The following PDE11A variants were observed in gnomAD, a reference collection of about 807,000 sequenced individuals.
The protein encoded by PDE11A is phosphodiesterase 11A.
Under a neutral mutation model 100.5 loss-of-function variants are expected in PDE11A, and 100 were observed. That is an observed-to-expected ratio of 1.00 (90% CI 0.85 to 1.18). The LOEUF (loss-of-function observed/expected upper bound fraction) is 1.18. Among genes scored for constraint, PDE11A ranks in the 50% most tolerant of loss-of-function variants. PDE11A has a pLI of 0.00. For synonymous variants in PDE11A, 381 were observed against 420.8 expected (o/e 0.91, Z 1.16); for missense variants, 1,141 against 1,152.6 (o/e 0.99, Z 0.15).
chr2:177,838,359 T>A (rs1342874829), intron 6 of PDE11A, among the ~76,000 whole-genome samples: 1 of 147,760 alleles, frequency 6.8e-6, no homozygotes, highest in Non-Finnish European at 1.5e-5. Flanking sequence ...CATATATGTG[T>A]TATGTGTGTT....
In PDE11A at chr2:177,972,727, T is replaced by C. The variant is rs535136982; in HGVS notation, c.1071+41575A>G. Among the ~76,000 whole-genome samples, 8 of 152,150 alleles carry C rather than the reference T, an allele frequency of 5.3e-5. No individual in the cohort carries two copies. In the South Asian group the frequency reaches 1.5e-3, roughly 28 times the overall value. The stretch of plus-strand genomic sequence containing the variant: ...CCCTAGACAGAAGAAGGGACATCGG[T>C]GGGACAGAGGCTAAGAAGTTAGAAC... On this transcript the variant is annotated intron_variant, in intron 2 of 19. Coordinates refer to ENST00000286063, the MANE Select transcript of PDE11A (RefSeq NM_016953.4).
chr2:178,075,323 C>A (rs1296411694), upstream of PDE11A, among the ~76,000 whole-genome samples: 2 of 152,064 alleles, frequency 1.3e-5, no homozygotes. Context: ...GAGGATGAGG[C>A]AGGCAGATCA....
intron 2 of PDE11A, among the ~76,000 whole-genome samples, chr2:178,092,741 C>A (rs1220262346): frequency 6.6e-6 from 1 of 152,086 alleles, no homozygotes; most frequent in Non-Finnish European, 1.5e-5. Flanking sequence ...GCTGGGATTA[C>A]AGGCATGCAC....
At chr2:177,933,315 T>C (rs755704171) in intron 2 of PDE11A, among the ~76,000 whole-genome samples, 1 of 152,108 alleles carries the variant, frequency 6.6e-6, no homozygotes, top group Admixed American at 6.6e-5. Context: ...TTCATAGAAT[T>C]GGAAAAAACT....
chr2:177,901,885 T>C (rs1162729518), intron 3 of PDE11A, among the ~76,000 whole-genome samples: 1 of 152,224 alleles, frequency 6.6e-6, no homozygotes, highest in Non-Finnish European at 1.5e-5. Flanking sequence ...TACAAGAATA[T>C]TTATCTCAGA....
At chr2:178,038,098 C>A (rs904610908) in intron 1 of PDE11A, among the ~76,000 whole-genome samples, 1 of 151,824 alleles carries the variant, frequency 6.6e-6, no homozygotes, top group Admixed American at 6.6e-5. Flanking sequence ...ATTCAAATTT[C>A]TTTTTATAAA....
Position 177,738,444 on chromosome 2 carries a change from C to A in PDE11A, c.1789-10272G>T, listed in dbSNP as rs114293761. ...CAAGAGGCAGTTAAGCTTGTGTTGACTACATTACACATTAAGGTTTAGAGA... is the reference window on the plus strand; with the variant it reads ...CAAGAGGCAGTTAAGCTTGTGTTGAATACATTACACATTAAGGTTTAGAGA... On this transcript the variant is annotated intron_variant, in intron 10 of 19. Coordinates refer to ENST00000286063, the MANE Select transcript of PDE11A (RefSeq NM_016953.4). 1.9e-3 allele frequency among the ~76,000 whole-genome samples: 288 copies of A among 152,260 alleles called. 1 individual carries two copies. The highest frequency in any genetic ancestry group is 3.7e-3 in the Non-Finnish European group (253 of 68,016).
At chr2:177,802,097 C>T (rs953708756) in intron 9 of PDE11A, among the ~76,000 whole-genome samples, 1 of 151,756 alleles carries the variant, frequency 6.6e-6, no homozygotes, top group Non-Finnish European at 1.5e-5. Flanking sequence ...GGTAAATAAG[C>T]ACATAGAAAA....
At chr2:178,054,047 C>G (rs1475283862) in intron 1 of PDE11A, among the ~76,000 whole-genome samples, 3 of 152,112 alleles carry the variant, frequency 2.0e-5, no homozygotes, top group African/African-American at 7.2e-5. Context: ...GAGCCCGCAT[C>G]GCCAAGTCAA....
chr2:177,825,761 C>T (rs1038566835), intron 6 of PDE11A, among the ~76,000 whole-genome samples: 7 of 152,220 alleles, frequency 4.6e-5, no homozygotes, highest in Non-Finnish European at 8.8e-5. Flanking sequence ...CCATCAGCCA[C>T]ACCACCCCAA....
chr2:177,940,337 G>GT (rs752754914), intron 2 of PDE11A, among the ~76,000 whole-genome samples: 3 of 152,176 alleles, frequency 2.0e-5, no homozygotes, highest in African/African-American at 2.4e-5. Flanking sequence ...GTTGGGTTAT[G>GT]TTTTTTTGAA....
intron 10 of PDE11A, among the ~76,000 whole-genome samples, chr2:177,765,566 AC>A (rs1215873321): frequency 6.6e-6 from 1 of 152,180 alleles, no homozygotes; most frequent in Non-Finnish European, 1.5e-5. Context: ...GGGCCCTGCC[AC>A]GGGTCCGTAG....
At chr2:177,850,750 G>T (rs1223515977) in intron 5 of PDE11A, among the ~76,000 whole-genome samples, 1 of 152,118 alleles carries the variant, frequency 6.6e-6, no homozygotes, top group Admixed American at 6.5e-5. Flanking sequence ...CTTCTCAAAG[G>T]AAGAAATTTA....
chr2:177,984,271 T>C (rs999746546), intron 2 of PDE11A, among the ~76,000 whole-genome samples: 5 of 152,214 alleles, frequency 3.3e-5, no homozygotes, highest in Non-Finnish European at 7.3e-5. Flanking sequence ...TTGCTTGCTC[T>C]TGTAAACAGA....
chr2:177,924,955 C>T (rs1210037562), intron 2 of PDE11A, among the ~76,000 whole-genome samples: 1 of 149,650 alleles, frequency 6.7e-6, no homozygotes, highest in Admixed American at 6.7e-5. Context: ...GTTCAATTCC[C>T]ACCTGTGAGT....
intron 9 of PDE11A, among the ~76,000 whole-genome samples, chr2:177,808,045 T>A (rs932661261): frequency 2.0e-5 from 3 of 152,196 alleles, no homozygotes; most frequent in African/African-American, 7.2e-5. Flanking sequence ...GAGAAAAGTT[T>A]CAGAATAAAA....
intron 5 of PDE11A, among the ~76,000 whole-genome samples, chr2:177,844,206 A>T (rs1298651345): frequency 6.6e-6 from 1 of 152,186 alleles, no homozygotes; most frequent in Non-Finnish European, 1.5e-5. Flanking sequence ...CAGTTTTGAG[A>T]CTAGGAAGAC....
intron 5 of PDE11A, among the ~76,000 whole-genome samples, chr2:177,852,305 G>A (rs1243875747): frequency 6.6e-6 from 1 of 152,168 alleles, no homozygotes; most frequent in Non-Finnish European, 1.5e-5. Context: ...ACCCAGTGAG[G>A]GGTAGGAGCC....
intron 12 of PDE11A, among the ~76,000 whole-genome samples, chr2:177,724,751 C>T (rs2081575794): frequency 6.6e-6 from 1 of 151,968 alleles, no homozygotes; most frequent in Non-Finnish European, 1.5e-5. Context: ...GGGGTGTGTA[C>T]CTCAGTATTC....
Sources: allele counts gnomAD v4.1 joint callset (sites outside exome capture counted in the v4.1 genomes callset), GRCh38; gene constraint gnomAD v4.1.1; transcripts MANE v1.5; gene names NCBI Gene and HGNC (gene_info 2026-07-23, HGNC 2026-07-21).